The following PPP1R9A variants were observed in gnomAD, a reference collection of about 807,000 sequenced individuals.
PPP1R9A encodes the protein protein phosphatase 1 regulatory subunit 9A.
A neutral mutation model predicts 141.9 loss-of-function variants in PPP1R9A; 59 were observed. That is an observed-to-expected ratio of 0.42 (90% CI 0.34 to 0.52). The LOEUF is 0.52. Among genes scored for constraint, PPP1R9A ranks in the 20% least tolerant of loss-of-function variants. PPP1R9A has a pLI of 0.10. For synonymous variants in PPP1R9A, 500 were observed against 569.7 expected (o/e 0.88, Z 1.74); for missense variants, 1,444 against 1,611.9 (o/e 0.90, Z 1.78).
At chr7:94,920,363 A>G (rs1792631186) in intron 2 of PPP1R9A, among the ~76,000 whole-genome samples, 1 of 106,378 alleles carries the variant, frequency 9.4e-6, no homozygotes, top group Admixed American at 9.1e-5. Flanking sequence ...TGAAATATTG[A>G]TAATTTTTTT....
chr7:95,034,088 T>A (rs1808099768), intron 2 of PPP1R9A, among the ~76,000 whole-genome samples: 1 of 152,124 alleles, frequency 6.6e-6, no homozygotes, highest in South Asian at 2.1e-4. Flanking sequence ...TAGTCCATGG[T>A]AATTTGGAGA....
At chr7:95,172,061 A>T (rs569574055) in intron 5 of PPP1R9A, among the ~76,000 whole-genome samples, 11 of 151,720 alleles carry the variant, frequency 7.3e-5, no homozygotes, top group East Asian at 5.8e-4. Context: ...AGATTTTTTT[A>T]AAAAAGCTCT....
chr7:95,104,509 G>T (rs1290730915), intron 2 of PPP1R9A, among the ~76,000 whole-genome samples: 12 of 152,082 alleles, frequency 7.9e-5, no homozygotes, highest in Non-Finnish European at 1.5e-5. Flanking sequence ...TATGTTAAAA[G>T]CTTGCAGAGG....
intron 2 of PPP1R9A, among the ~76,000 whole-genome samples, chr7:95,011,962 C>T (rs191666330): frequency 3.9e-5 from 6 of 152,064 alleles, no homozygotes; most frequent in Admixed American, 3.9e-4. Context: ...CACTTAATTT[C>T]GAGGAAACAG....
intron 5 of PPP1R9A, among the ~76,000 whole-genome samples, chr7:95,181,306 GAA>G (rs1043583398): frequency 1.5e-5 from 2 of 136,648 alleles, no homozygotes; most frequent in African/African-American, 5.4e-5. Flanking sequence ...AGAATAGAGA[GAA>G]TATATATAGA....
At chr7:95,085,628 T>G (rs1816517915) in intron 2 of PPP1R9A, among the ~76,000 whole-genome samples, 1 of 151,616 alleles carries the variant, frequency 6.6e-6, no homozygotes, top group Non-Finnish European at 1.5e-5. Context: ...TTGGCCAGGC[T>G]GGTCTCCAAC....
chr7:94,994,019 C>T (rs956183647), intron 2 of PPP1R9A, among the ~76,000 whole-genome samples: 1 of 152,098 alleles, frequency 6.6e-6, no homozygotes, highest in African/African-American at 2.4e-5. Flanking sequence ...TAACAAAAGA[C>T]AGACTGACAA....
At chr7:95,130,968 A>T (rs2152525045) in intron 4 of PPP1R9A, among the ~76,000 whole-genome samples, 1 of 152,246 alleles carries the variant, frequency 6.6e-6, no homozygotes, top group South Asian at 2.1e-4. Flanking sequence ...CTCGGATGAG[A>T]TGTTGAACTG....
intron 6 of PPP1R9A, among the ~76,000 whole-genome samples, chr7:95,198,959 TC>T (rs1289329962): frequency 6.6e-6 from 1 of 152,196 alleles, no homozygotes; most frequent in Non-Finnish European, 1.5e-5. Context: ...AGTGTCTTTT[TC>T]CCCCAGGAAG....
chr7:94,984,837 T>G (rs1800598325), intron 2 of PPP1R9A, among the ~76,000 whole-genome samples: 1 of 152,180 alleles, frequency 6.6e-6, no homozygotes, highest in Admixed American at 6.5e-5. Flanking sequence ...TCTCCTTCAG[T>G]TCTTTTCTGA....
intron 3 of PPP1R9A, among the ~76,000 whole-genome samples, chr7:95,111,830 C>G (rs565406038): frequency 6.6e-6 from 1 of 151,990 alleles, no homozygotes; most frequent in African/African-American, 2.4e-5. Flanking sequence ...TACATCCTCT[C>G]CCCCTCTGAG....
intron 7 of PPP1R9A, among the ~76,000 whole-genome samples, chr7:95,221,335 T>C (rs1475718604): frequency 1.3e-5 from 2 of 152,138 alleles, no homozygotes; most frequent in Non-Finnish European, 2.9e-5. Context: ...TAATTCCCAA[T>C]GTCTCAGGAC....
At chr7:95,030,437 G>C (rs1361083370) in intron 2 of PPP1R9A, among the ~76,000 whole-genome samples, 1 of 152,112 alleles carries the variant, frequency 6.6e-6, no homozygotes, top group East Asian at 1.9e-4. Context: ...CTCTGAGACT[G>C]TAGAGAAAAA....
At chr7:95,076,513 C>T (rs1002273604) in intron 2 of PPP1R9A, among the ~76,000 whole-genome samples, 1 of 152,112 alleles carries the variant, frequency 6.6e-6, no homozygotes, top group Non-Finnish European at 1.5e-5. Context: ...AATCTGTCTA[C>T]TCCTACACTA....
Position 95,117,800 on chromosome 7 carries a change from AT to A in PPP1R9A, c.1529-2911del, listed in dbSNP as rs201880367. 7.7e-3 allele frequency among the ~76,000 whole-genome samples: 1,172 copies of A among 152,322 alleles called. 14 individuals are homozygous for A. The highest frequency in any genetic ancestry group is 0.027 in the African/African-American group (1,112 of 41,568). On this transcript the variant is annotated intron_variant, in intron 3 of 19. Coordinates refer to ENST00000433360, the MANE Select transcript of PPP1R9A (RefSeq NM_001166160.2). Reference sequence around the variant, plus strand: ...TATACTGAAGAGAAACCCTGTGAGTATAATGAAAGTGAGCAAGAATTCAGCC... The same window carrying A: ...TATACTGAAGAGAAACCCTGTGAGTAAATGAAAGTGAGCAAGAATTCAGCC...
Position 95,230,954 on chromosome 7 carries a change from T to C in PPP1R9A, c.2112+4838T>C, listed in dbSNP as rs568244319. ...TGGCCTAAATACTCCACCTAAAAGATACAGAATGGCAGAATGGATAAGAAT... is the reference window on the plus strand; with the variant it reads ...TGGCCTAAATACTCCACCTAAAAGACACAGAATGGCAGAATGGATAAGAAT... On this transcript the variant is annotated intron_variant, in intron 8 of 19. Transcript: ENST00000433360. 4.6e-5 allele frequency among the ~76,000 whole-genome samples: 7 copies of C among 152,238 alleles called. No homozygotes were observed. The East Asian group carries it at 1.4e-3, about 29-fold the overall frequency.
At chr7:95,202,007 A>C (rs1457138611) in intron 6 of PPP1R9A, among the ~76,000 whole-genome samples, 2 of 152,198 alleles carry the variant, frequency 1.3e-5, no homozygotes, top group African/African-American at 4.8e-5. Flanking sequence ...TGTCACATTG[A>C]CAGAGGGTAT....
intron 4 of PPP1R9A, among the ~76,000 whole-genome samples, chr7:95,152,913 A>G (rs1176749457): frequency 6.9e-6 from 1 of 144,718 alleles, no homozygotes; most frequent in Non-Finnish European, 1.5e-5. Context: ...CAGTGGCACT[A>G]TCTCAGCTCA....
chr7:95,013,181 C>T (rs1164577356), intron 2 of PPP1R9A, among the ~76,000 whole-genome samples: 1 of 152,122 alleles, frequency 6.6e-6, no homozygotes, highest in East Asian at 1.9e-4. Context: ...ATTTTCACTG[C>T]ATAAGAAATT....
Sources: gnomAD v4.1 joint callset for allele counts (sites outside exome capture counted in the v4.1 genomes callset) on GRCh38, gnomAD v4.1.1 for gene constraint, MANE v1.5 for transcripts, NCBI Gene and HGNC (gene_info 2026-07-23, HGNC 2026-07-21) for gene names.